The following UXS1 variants were observed in gnomAD, a reference collection of about 807,000 sequenced individuals.
UXS1 encodes the protein UDP-glucuronate decarboxylase 1.
In UXS1, 33 loss-of-function variants were observed where a neutral mutation model predicts 62.6. The ratio of observed to expected loss-of-function variants is 0.53; its 90% CI spans 0.40 to 0.70. The LOEUF is 0.70. Ranked by LOEUF, UXS1 falls within the 30% of genes least tolerant of loss-of-function variation. The probability of loss-of-function intolerance (pLI) is 0.00; values close to 1 mark genes in which losing one functional copy is unlikely to be tolerated. For missense variants in UXS1, 434 were observed against 556.3 expected, an observed-to-expected ratio of 0.78 and a Z score of 2.21; for synonymous variants, 213 against 206.8, an observed-to-expected ratio of 1.03 and a Z score of -0.26.
chr2:106,186,774 T>C (rs1454265411), intron 1 of UXS1, among the ~76,000 whole-genome samples: 3 of 151,954 alleles, frequency 2.0e-5, no homozygotes, highest in East Asian at 1.9e-4. Context: ...ACTAAGATCA[T>C]GCCACTGCAT....
chr2:106,142,754 G>T (rs2104986798), intron 6 of UXS1, among the ~76,000 whole-genome samples: 1 of 152,330 alleles, frequency 6.6e-6, no homozygotes, highest in Non-Finnish European at 1.5e-5. Flanking sequence ...CGCTGAAGGA[G>T]AAAGTGAAAA....
At chr2:106,165,994 G>T in intron 2 of UXS1, 62 bp downstream of exon 2, 1 of 1,510,744 alleles carries the variant, frequency 6.6e-7, no homozygotes, top group Non-Finnish European at 9.1e-7. Flanking sequence ...TGGTATATAT[G>T]TACCAACTGA....
intron 4 of UXS1, among the ~76,000 whole-genome samples, chr2:106,161,313 C>T (rs1429874731): frequency 1.3e-5 from 2 of 152,028 alleles, no homozygotes; most frequent in East Asian, 3.9e-4. Context: ...ATTATGTTGC[C>T]CAGGCTGGGC....
intron 6 of UXS1, among the ~76,000 whole-genome samples, chr2:106,134,251 A>G (rs1187589706): frequency 8.3e-6 from 1 of 120,208 alleles, no homozygotes; most frequent in Non-Finnish European, 1.7e-5. Flanking sequence ...AGGTTCTGAA[A>G]TTGTGGCAAT....
At chr2:106,161,901 T>G (rs950361123) in intron 4 of UXS1, among the ~76,000 whole-genome samples, 1 of 152,206 alleles carries the variant, frequency 6.6e-6, no homozygotes, top group Non-Finnish European at 1.5e-5. Context: ...TCCAAAAATA[T>G]CTTTAGTTCT....
chr2:106,145,481 G>A (rs1007536301), intron 5 of UXS1, 111 bp from the exon 6 acceptor site: 41 of 1,351,040 alleles, frequency 3.0e-5, no homozygotes, highest in South Asian at 6.2e-5. Flanking sequence ...TAAAACTCAG[G>A]AGCAAGGCGG....
At chr2:106,168,287 ACT>A (rs1683333953) in intron 1 of UXS1, among the ~76,000 whole-genome samples, 1 of 152,044 alleles carries the variant, frequency 6.6e-6, no homozygotes, top group South Asian at 2.1e-4. Context: ...TCGCTGCTAC[ACT>A]CTTACCAGCG....
At chr2:106,138,437 G>A in intron 6 of UXS1, 1 of 985,408 alleles carries the variant, frequency 1.0e-6, no homozygotes, top group South Asian at 4.7e-5. Context: ...AGGGAGGGGA[G>A]GCCCCCTCGG....
Position 106,094,052 on chromosome 2 carries a change from T to G in UXS1, c.1252A>C (p.Lys418Gln). Residue 418 changes from lysine (K) to glutamine (Q), a missense_variant, in exon 15 of 15, where the codon AAG becomes CAG. Coordinates refer to ENST00000283148, the MANE Select transcript of UXS1 (RefSeq NM_001253875.2). ...YIPKPKPARI[K>Q]KGRTRHS is the part of the protein sequence containing the mutation. Reference sequence around the variant, plus strand: ...CAGCTGTGGCGAGTCCGTCCTTTCTTTATTCTGGCAGGCTTTGGTTTGGGG... The same window carrying G: ...CAGCTGTGGCGAGTCCGTCCTTTCTGTATTCTGGCAGGCTTTGGTTTGGGG... 1 of 1,613,130 alleles carries G rather than the reference T, an allele frequency of 6.2e-7. No individual in the cohort carries two copies. The highest frequency in any genetic ancestry group is 8.5e-7 in the Non-Finnish European group (1 of 1,179,696).
intron 13 of UXS1, 70 bp downstream of exon 13, chr2:106,098,646 A>G: frequency 7.7e-7 from 1 of 1,291,236 alleles, no homozygotes; most frequent in Non-Finnish European, 1.1e-6. Flanking sequence ...CCCACTTTCT[A>G]GTCAAGGTGT....
chr2:106,106,813 G>A (rs569945103), intron 10 of UXS1, among the ~76,000 whole-genome samples: 1 of 152,302 alleles, frequency 6.6e-6, no homozygotes, highest in East Asian at 1.9e-4. Flanking sequence ...CTCTACACCA[G>A]TGCCGTAGGT....
chr2:106,165,818 C>T (rs11124086), intron 2 of UXS1, among the ~76,000 whole-genome samples: 22 of 152,246 alleles, frequency 1.4e-4, no homozygotes, highest in Admixed American at 5.2e-4. Flanking sequence ...AGGAGGGAAG[C>T]GGGGGTGGCC....
intron 7 of UXS1, among the ~76,000 whole-genome samples, 193 bp from the exon 8 acceptor site, chr2:106,125,872 G>A (rs1250130335): frequency 6.6e-6 from 1 of 152,202 alleles, no homozygotes; most frequent in Non-Finnish European, 1.5e-5. Context: ...TGGATTCTCA[G>A]AAGGCCAGTA....
At chr2:106,095,117 C>A (rs1283573127) in intron 14 of UXS1, among the ~76,000 whole-genome samples, 1 of 152,074 alleles carries the variant, frequency 6.6e-6, no homozygotes, top group Non-Finnish European at 1.5e-5. Flanking sequence ...TATTATAGGT[C>A]TAAATTCCAG....
At chr2:106,155,213 G>A (rs763278686) in intron 5 of UXS1, among the ~76,000 whole-genome samples, 8 of 152,018 alleles carry the variant, frequency 5.3e-5, no homozygotes, top group Non-Finnish European at 8.8e-5. Flanking sequence ...ACAAACATCC[G>A]AACTCTATCA....
rs1239990608 is a variant in UXS1 at position 106,158,173 on chromosome 2, T to C, written c.231-55A>G. The C allele has an allele frequency of 1.1e-5, 16 of 1,419,704 alleles. No homozygotes were observed. The East Asian group carries it at 3.0e-4, about 26-fold the overall frequency. 87.9% of individuals were successfully genotyped at this position (1,419,704 alleles called of 1,614,324 possible). A position where few individuals can be genotyped will look rare whatever the true frequency, so the allele number is the denominator to read the frequency against. On this transcript the variant is annotated intron_variant, in intron 4 of 14. Transcript: ENST00000283148. ...AAAGTCAAACATCTCATTTGAATAT[T>C]TTCTCTGTCTACCATCAAAGCATGT...
intron 6 of UXS1, among the ~76,000 whole-genome samples, chr2:106,144,755 G>A (rs556322773): frequency 1.3e-5 from 2 of 152,226 alleles, no homozygotes; most frequent in African/African-American, 2.4e-5. Context: ...AAAGGCCAAC[G>A]GGGTTTTCCC....
intron 1 of UXS1, among the ~76,000 whole-genome samples, chr2:106,178,520 CTA>C (rs1558754982): frequency 1.3e-5 from 2 of 152,042 alleles, no homozygotes; most frequent in Non-Finnish European, 2.9e-5. Context: ...ATATACAAGT[CTA>C]TGTATATGTA....
chr2:106,172,502 T>C (rs1250430994), intron 1 of UXS1, among the ~76,000 whole-genome samples: 2 of 152,212 alleles, frequency 1.3e-5, no homozygotes, highest in African/African-American at 4.8e-5. Flanking sequence ...TGAGGTCCGG[T>C]AGCCAAGGTT....
Sources: allele counts gnomAD v4.1 joint callset (sites outside exome capture counted in the v4.1 genomes callset), GRCh38; gene constraint gnomAD v4.1.1; transcripts MANE v1.5; gene names NCBI Gene and HGNC (gene_info 2026-07-23, HGNC 2026-07-21).